The following DNAI2 variants were observed in gnomAD, a reference collection of about 807,000 sequenced individuals.
DNAI2 encodes the protein dynein, axonemal, intermediate polypeptide 2.
In DNAI2, 63 loss-of-function variants were observed where a neutral mutation model predicts 74.7. The ratio of observed to expected loss-of-function variants is 0.84; its 90% CI spans 0.69 to 1.04. The LOEUF is 1.04. Among genes scored for constraint, DNAI2 ranks in the 50% least tolerant of loss-of-function variants. The pLI, the probability that DNAI2 is intolerant of heterozygous loss-of-function variation, is 0.00. For synonymous variants in DNAI2, 289 were observed against 314.9 expected (o/e 0.92, Z 0.87); for missense variants, 688 against 803.2 (o/e 0.86, Z 1.73).
intron 4 of DNAI2, 111 bp downstream of exon 4, chr17:74,287,209 G>A: frequency 1.1e-5 from 16 of 1,504,426 alleles, no homozygotes; most frequent in African/African-American, 1.4e-5. Context: ...AGCACTGTCT[G>A]TGCTCTGAGC....
intron 4 of DNAI2, 56 bp downstream of exon 4, chr17:74,287,154 C>A: frequency 1.2e-6 from 2 of 1,603,924 alleles, no homozygotes. Flanking sequence ...CATGCATGGG[C>A]GCCTCCAAAG....
chr17:74,275,986 G>C (rs981517773), intron 1 of DNAI2, among the ~76,000 whole-genome samples: 1 of 152,128 alleles, frequency 6.6e-6, no homozygotes, highest in Non-Finnish European at 1.5e-5. Context: ...GCTGTACCAG[G>C]GACCAAGAAG....
intron 1 of DNAI2, among the ~76,000 whole-genome samples, chr17:74,277,589 C>T (rs1419872851): frequency 6.6e-6 from 1 of 152,194 alleles, no homozygotes. Flanking sequence ...GCCCAAGTTC[C>T]CCCTGGCACA....
intron 11 of DNAI2, among the ~76,000 whole-genome samples, 155 bp from the exon 12 acceptor site, chr17:74,311,848 T>C (rs1022693934): frequency 6.6e-6 from 1 of 152,186 alleles, no homozygotes; most frequent in Non-Finnish European, 1.5e-5. Context: ...TCAGCCCTCC[T>C]TCCTTGACAC....
In DNAI2 at chr17:74,291,044, CT is replaced by C; in HGVS notation, c.636del (p.Leu213Ter). 1 of 1,614,230 alleles carries C rather than the reference CT, an allele frequency of 6.2e-7. No individual in the cohort carries two copies. Among genetic ancestry groups the C allele is most frequent in the Non-Finnish European group, 8.5e-7 (1 of 1,180,038 alleles). On this transcript the variant is annotated frameshift_variant, in exon 6 of 14. Transcript: ENST00000311014. LOFTEE classifies it high-confidence loss of function. Reference sequence around the variant, plus strand: ...GAAAACCCCAACAAGCCTGAACTTGCTCTGAAGCCATCGTCTCCACTCGTGA... The same window carrying C: ...GAAAACCCCAACAAGCCTGAACTTGCCTGAAGCCATCGTCTCCACTCGTGA... The part of the protein sequence containing the change: ...DLENPNKPEL[A>X]LKPSSPLVTL...
chr17:74,276,983 G>A (rs1304998929), intron 1 of DNAI2, among the ~76,000 whole-genome samples: 3 of 152,140 alleles, frequency 2.0e-5, no homozygotes, highest in Admixed American at 2.0e-4. Context: ...TTGTCCATGT[G>A]GTAAAAACAC....
At chr17:74,286,877 C>G in intron 3 of DNAI2, 100 bp from the exon 4 acceptor site, 1 of 1,520,972 alleles carries the variant, frequency 6.6e-7, no homozygotes, top group Non-Finnish European at 9.1e-7. Context: ...ATGGGAAAAG[C>G]CCCTGGCTAT....
chr17:74,285,283 T>C, intron 3 of DNAI2, 82 bp downstream of exon 3: 2 of 1,531,782 alleles, frequency 1.3e-6, no homozygotes, highest in East Asian at 2.3e-5. Context: ...CAGCTGTGCC[T>C]GGCCATCGCT....
chr17:74,309,695 G>T, intron 10 of DNAI2: 2 of 644,620 alleles, frequency 3.1e-6, no homozygotes, highest in East Asian at 2.8e-5. Flanking sequence ...AGAGCCCCTG[G>T]GGTTTGGCTG....
intron 6 of DNAI2, among the ~76,000 whole-genome samples, chr17:74,293,779 T>C (rs2052267142): frequency 7.5e-6 from 1 of 133,574 alleles, no homozygotes; most frequent in South Asian, 2.4e-4. Flanking sequence ...AAGTGAATCA[T>C]AGTTTTGTTT....
At chr17:74,291,276 T>C (rs2143954152) in intron 6 of DNAI2, 143 bp downstream of exon 6, 1 of 667,028 alleles carries the variant, frequency 1.5e-6, no homozygotes, top group Admixed American at 2.7e-5. Context: ...TTCTCCTGCC[T>C]CAGCCTCCCG....
In DNAI2 at chr17:74,301,097, T is replaced by G; in HGVS notation, c.916T>G (p.Leu306Val). The change falls in exon 8 of 14, where the codon TTG becomes GTG. Residue 306 changes from leucine (L) to valine (V), a missense_variant. Physicochemically the swap from Leu to Val is conservative, Grantham distance 32 (BLOSUM62 1). Coordinates refer to ENST00000311014, the MANE Select transcript of DNAI2 (RefSeq NM_023036.6). ...GAGCGAGCCCACTGAAGTTGTGATC[T>G]TGGACATCACCAAGAAGGAACAGTT... ...KMSEPTEVVI[L>V]DITKKEQLEN... 6.2e-7 allele frequency: 1 copy of G among 1,614,154 alleles called. No homozygotes were observed. The highest frequency in any genetic ancestry group is 1.1e-5 in the South Asian group (1 of 91,076).
chr17:74,304,186 C>CTT (rs56696514), intron 8 of DNAI2, among the ~76,000 whole-genome samples: 842 of 67,652 alleles, frequency 0.012, 88 homozygotes, highest in African/African-American at 0.023. Flanking sequence ...TTTCTTTTTT[C>CTT]TTTTTTTTTT....
intron 6 of DNAI2, among the ~76,000 whole-genome samples, chr17:74,296,346 G>GAGAGGAGA (rs371039062): frequency 1.2e-5 from 1 of 83,216 alleles, no homozygotes; most frequent in African/African-American, 3.5e-5. Context: ...GAGAGAGAGA[G>GAGAGGAGA]GAGAGAGAGA....
At chr17:74,274,823 A>G (rs1190479735) in intron 1 of DNAI2, among the ~76,000 whole-genome samples, 2 of 152,106 alleles carry the variant, frequency 1.3e-5, no homozygotes, top group African/African-American at 4.8e-5. Flanking sequence ...GCTTTCTTTC[A>G]TTTCTTCCTC....
chr17:74,286,481 C>T (rs1450114677), intron 3 of DNAI2, among the ~76,000 whole-genome samples: 4 of 151,906 alleles, frequency 2.6e-5, no homozygotes, highest in African/African-American at 7.3e-5. Flanking sequence ...AGTGCAGTGG[C>T]GTGATCTTGG....
At chr17:74,287,263 C>T (rs1216468845) in intron 4 of DNAI2, among the ~76,000 whole-genome samples, 165 bp downstream of exon 4, 1 of 152,164 alleles carries the variant, frequency 6.6e-6, no homozygotes, top group African/African-American at 2.4e-5. Context: ...GAGAAGTGGC[C>T]CTGCTCTGGG....
chr17:74,309,351 T>A lies in DNAI2; in HGVS notation c.1310T>A (p.Phe437Tyr), dbSNP rs761280652. The A allele has an allele frequency of 2.7e-5, 44 of 1,614,036 alleles. No individual in the cohort carries two copies. Among genetic ancestry groups the A allele is most frequent in the Non-Finnish European group, 3.6e-5 (42 of 1,180,038 alleles). Residue 437 changes from phenylalanine to tyrosine, a missense_variant, in exon 10 of 14, where the codon TTC (phenylalanine) becomes TAC (tyrosine). Coordinates refer to ENST00000311014, the MANE Select transcript of DNAI2 (RefSeq NM_023036.6). Reference protein sequence around the residue: ...RMDGTLDIWDFMFEQCDPTLS... With the variant: ...RMDGTLDIWDYMFEQCDPTLS... ...GACGGAACCCTGGATATCTGGGACT[T>A]CATGTTCGAGCAGTGCGATCCCACC...
intron 2 of DNAI2, among the ~76,000 whole-genome samples, chr17:74,283,494 G>C (rs2051508381): frequency 6.6e-6 from 1 of 151,572 alleles, no homozygotes; most frequent in African/African-American, 2.4e-5. Flanking sequence ...TGTGGTCCCA[G>C]TTACTTGGGA....
Sources: allele counts gnomAD v4.1 joint callset (sites outside exome capture counted in the v4.1 genomes callset), GRCh38; gene constraint gnomAD v4.1.1; transcripts MANE v1.5; gene names NCBI Gene and HGNC (gene_info 2026-07-23, HGNC 2026-07-21).